Variants in PINX1 observed in about 807,000 individuals in gnomAD.
PINX1 encodes PIN2 (TERF1) interacting telomerase inhibitor 1, also known as PIN2/TERF1-interacting telomerase inhibitor 1.
In PINX1, 34 loss-of-function variants were observed where a neutral mutation model predicts 25.4. That is an observed-to-expected ratio of 1.34 (90% CI 1.02 to 1.78). The LOEUF (loss-of-function observed/expected upper bound fraction) is 1.78. PINX1 is among the 40% of genes most tolerant of loss of function. The probability of loss-of-function intolerance (pLI) is 0.00; values close to 1 mark genes in which losing one functional copy is unlikely to be tolerated. For missense variants in PINX1, 592 were observed against 404.9 expected, an observed-to-expected ratio of 1.46 and a Z score of -3.97; for synonymous variants, 197 against 147.7, an observed-to-expected ratio of 1.33 and a Z score of -2.42.
At chr8:10,775,930 G>A (rs1188484493) in intron 6 of PINX1, among the ~76,000 whole-genome samples, 1 of 152,120 alleles carries the variant, frequency 6.6e-6, no homozygotes, top group African/African-American at 2.4e-5. Context: ...GCTGCAGCGG[G>A]GTGGGGGCAA....
chr8:10,812,928 C>T (rs1797581057), intron 6 of PINX1, among the ~76,000 whole-genome samples: 1 of 152,230 alleles, frequency 6.6e-6, no homozygotes, highest in Non-Finnish European at 1.5e-5. Context: ...AACTAATTTT[C>T]ATCTAGCTGC....
At chr8:10,797,054 T>G (rs1432985097) in intron 6 of PINX1, among the ~76,000 whole-genome samples, 1 of 151,944 alleles carries the variant, frequency 6.6e-6, no homozygotes, top group Non-Finnish European at 1.5e-5. Context: ...GCTGATCCAC[T>G]CTCTGTCTCC....
At chr8:10,795,603 G>A (rs1390094908) in intron 6 of PINX1, among the ~76,000 whole-genome samples, 1 of 152,166 alleles carries the variant, frequency 6.6e-6, no homozygotes, top group East Asian at 1.9e-4. Context: ...GTTTCACCAT[G>A]TTGGCCAGGC....
intron 6 of PINX1, among the ~76,000 whole-genome samples, chr8:10,782,339 CTCTT>C (rs1801611089): frequency 6.6e-6 from 1 of 152,000 alleles, no homozygotes; most frequent in Admixed American, 6.6e-5. Flanking sequence ...ATTACACCTG[CTCTT>C]GCCATGAAGG....
rs540387729 is a variant in PINX1 at position 10,788,719 on chromosome 8, T to G, written c.472-22803A>C. 9.8e-5 allele frequency among the ~76,000 whole-genome samples: 15 copies of G among 152,300 alleles called. No homozygotes were observed. The South Asian group carries it at 3.1e-3, about 32-fold the overall frequency. ...CTGAAGCCTGGCAGTTCCATTATCC[T>G]AGGAGAAATCATCGTGGACTCTTGC... On this transcript the variant is annotated intron_variant, in intron 6 of 6. Coordinates refer to ENST00000314787, the MANE Select transcript of PINX1 (RefSeq NM_017884.6).
chr8:10,765,556 C>T lies in PINX1; in HGVS notation c.832G>A (p.Gly278Arg). The stretch of plus-strand genomic sequence containing the variant: ...CCCTCAGGCGGCTGCACATGGTCCC[C>T]TGCATCCTGAGCAGAGGCCTTGGAA... ...QSSKASAQDA[G>R]DHVQPPEGRD... Residue 278 changes from glycine to arginine, a missense_variant, in exon 7 of 7, where the codon GGG becomes AGG. Physicochemically the swap from Gly to Arg is moderately radical, Grantham distance 125. Coordinates refer to ENST00000314787, the MANE Select transcript of PINX1 (RefSeq NM_017884.6). 18 of 1,613,812 alleles carry T rather than the reference C, an allele frequency of 1.1e-5. No individual in the cohort carries two copies. Among genetic ancestry groups the T allele is most frequent in the Non-Finnish European group, 1.5e-5 (18 of 1,179,906 alleles).
intron 6 of PINX1, among the ~76,000 whole-genome samples, chr8:10,796,050 G>C (rs530428756): frequency 6.6e-6 from 1 of 152,318 alleles, no homozygotes; most frequent in Non-Finnish European, 1.5e-5. Context: ...TGACTTTGCA[G>C]GCCAAGTGGT....
intron 6 of PINX1, among the ~76,000 whole-genome samples, chr8:10,766,424 C>T (rs1257849736): frequency 6.6e-6 from 1 of 152,186 alleles, no homozygotes; most frequent in Non-Finnish European, 1.5e-5. Flanking sequence ...TCCATGAGGA[C>T]AGGAGCCGCA....
At chr8:10,770,895 C>T (rs1167963095) in intron 6 of PINX1, among the ~76,000 whole-genome samples, 1 of 152,190 alleles carries the variant, frequency 6.6e-6, no homozygotes, top group Non-Finnish European at 1.5e-5. Context: ...CACATTAAGA[C>T]ACGGAGGTCA....
At chr8:10,831,083 G>A (rs1475279778) in intron 4 of PINX1, among the ~76,000 whole-genome samples, 1 of 152,210 alleles carries the variant, frequency 6.6e-6, no homozygotes, top group Non-Finnish European at 1.5e-5. Context: ...AACATGTGGT[G>A]CATACACACC....
Position 10,826,186 on chromosome 8 carries a change from G to T in PINX1, c.360C>A (p.Ser120=). 6.3e-7 allele frequency: 1 copy of T among 1,592,514 alleles called. No homozygotes were observed. Among genetic ancestry groups the T allele is most frequent in the South Asian group, 1.1e-5 (1 of 88,610 alleles). ...ATTTCATATAGTGAACACGGTTTTT[G>T]GAGATTTTGGACTTTTCCTCAAGGC... The part of the protein sequence containing the change: ...SFSLEEKSKI[S]KNRVHYMKFT... Residue 120 remains serine (S), a synonymous_variant, in exon 5 of 7, where the codon TCC becomes TCA. Transcript: ENST00000314787.
At chr8:10,835,175 T>C (rs1798364497) in intron 1 of PINX1, among the ~76,000 whole-genome samples, 1 of 152,224 alleles carries the variant, frequency 6.6e-6, no homozygotes, top group African/African-American at 2.4e-5. Context: ...CGTTACTACA[T>C]ACAAAAGAAC....
chr8:10,796,277 A>G (rs1018467815), intron 6 of PINX1, among the ~76,000 whole-genome samples: 2 of 152,224 alleles, frequency 1.3e-5, no homozygotes, highest in Non-Finnish European at 2.9e-5. Context: ...TCTGAAGTCA[A>G]AGACTCCAGG....
At chr8:10,803,351 C>T (rs181460839) in intron 6 of PINX1, among the ~76,000 whole-genome samples, 87 of 152,272 alleles carry the variant, frequency 5.7e-4, no homozygotes, top group African/African-American at 1.9e-3. Context: ...GCATCTAATG[C>T]GATCTATCAT....
intron 6 of PINX1, among the ~76,000 whole-genome samples, chr8:10,782,929 T>C (rs536766578): frequency 6.6e-6 from 1 of 152,342 alleles, no homozygotes; most frequent in South Asian, 2.1e-4. Flanking sequence ...AAATAAAGGA[T>C]ATAAATATTT....
intron 4 of PINX1, among the ~76,000 whole-genome samples, chr8:10,829,564 T>C (rs1798163498): frequency 6.6e-6 from 1 of 152,218 alleles, no homozygotes; most frequent in Admixed American, 6.5e-5. Flanking sequence ...ATTTACCGAA[T>C]GTCATACAAA....
intron 5 of PINX1, among the ~76,000 whole-genome samples, chr8:10,820,694 T>A (rs535056944): frequency 6.6e-6 from 1 of 152,260 alleles, no homozygotes; most frequent in African/African-American, 2.4e-5. Flanking sequence ...AAAATATCAC[T>A]AGATACACAG....
intron 5 of PINX1, chr8:10,821,992 A>G (rs1343411529): frequency 2.0e-5 from 3 of 152,242 alleles, no homozygotes; most frequent in Non-Finnish European, 2.9e-5. Context: ...ACAGTAAGCT[A>G]TATCAATGAA....
chr8:10,826,041 G>A lies in PINX1; in HGVS notation c.394+111C>T, dbSNP rs116712849. ...AGCGCTGTTTCACAGCAATGCAGTC[G>A]GAGCTGTCCATAAAGCATGAAGTCG... is the stretch of plus-strand genomic sequence containing the variant. On this transcript the variant is annotated intron_variant, in intron 5 of 6. Coordinates refer to ENST00000314787, the MANE Select transcript of PINX1 (RefSeq NM_017884.6). 2.4e-3 allele frequency: 1,497 copies of A among 617,534 alleles called. 19 individuals are homozygous for A. Among genetic ancestry groups the A allele is most frequent in the East Asian group, 0.016 (568 of 35,468 alleles). The allele number at this position is 617,534 out of a possible 1,614,324, so 38.3% of individuals were successfully genotyped here.
Sources: allele counts gnomAD v4.1 joint callset (sites outside exome capture counted in the v4.1 genomes callset), GRCh38; gene constraint gnomAD v4.1.1; transcripts MANE v1.5; gene names NCBI Gene and HGNC (gene_info 2026-07-23, HGNC 2026-07-21).